FRMD4B: variants seen among roughly 807,000 people sequenced by gnomAD.
FRMD4B encodes FERM domain-containing protein 4B.
FRMD4B carries 74 observed loss-of-function variants against 141.5 expected under a neutral mutation model. The observed-to-expected ratio is 0.52, with a 90% CI of 0.43 to 0.63. The LOEUF (loss-of-function observed/expected upper bound fraction) is 0.63. Ranked by LOEUF, FRMD4B falls within the 30% of genes least tolerant of loss-of-function variation. The probability of loss-of-function intolerance (pLI) is 0.00; values close to 1 mark genes in which losing one functional copy is unlikely to be tolerated. For missense variants in FRMD4B, 1,366 were observed against 1,253.4 expected (o/e 1.09, Z -1.36); for synonymous variants, 506 against 467.9 (o/e 1.08, Z -1.05).
chr3:69,476,503 C>A (rs1380216627), intron 1 of FRMD4B, among the ~76,000 whole-genome samples: 2 of 152,118 alleles, frequency 1.3e-5, no homozygotes, highest in Non-Finnish European at 2.9e-5. Context: ...TGTCAAAGAT[C>A]AGATAGTTGT....
chr3:69,379,585 G>C (rs1057235611), intron 1 of FRMD4B, among the ~76,000 whole-genome samples: 1 of 152,180 alleles, frequency 6.6e-6, no homozygotes, highest in South Asian at 2.1e-4. Flanking sequence ...GCCACGCCTA[G>C]GTTTTTGATG....
chr3:69,506,094 C>A (rs983172067), intron 1 of FRMD4B, among the ~76,000 whole-genome samples: 1 of 152,134 alleles, frequency 6.6e-6, no homozygotes, highest in African/African-American at 2.4e-5. Context: ...CCTCCACTGA[C>A]CTTTCTGGTC....
At chr3:69,273,524 C>G (rs181587940) in intron 5 of FRMD4B, among the ~76,000 whole-genome samples, 1 of 152,248 alleles carries the variant, frequency 6.6e-6, no homozygotes, top group African/African-American at 2.4e-5. Context: ...AATTTAGAAA[C>G]AGTAGCTCCA....
At chr3:69,307,142 C>G (rs1435067685) in intron 3 of FRMD4B, among the ~76,000 whole-genome samples, 4 of 152,062 alleles carry the variant, frequency 2.6e-5, no homozygotes, top group African/African-American at 4.8e-5. Flanking sequence ...CCGTCACTTG[C>G]CGGGGAGTGC....
At chr3:69,450,366 G>C (rs890269971) in intron 1 of FRMD4B, among the ~76,000 whole-genome samples, 1 of 152,140 alleles carries the variant, frequency 6.6e-6, no homozygotes, top group Non-Finnish European at 1.5e-5. Flanking sequence ...GCATGGGCCT[G>C]TAGTTTCAGC....
chr3:69,479,351 T>C (rs896208155), intron 1 of FRMD4B, among the ~76,000 whole-genome samples: 45 of 152,062 alleles, frequency 3.0e-4, no homozygotes, highest in Admixed American at 4.6e-4. Flanking sequence ...GTACCGGTTG[T>C]TCCTTTCCAT....
intron 1 of FRMD4B, among the ~76,000 whole-genome samples, chr3:69,359,643 T>G (rs1809486): frequency 6.6e-6 from 1 of 152,156 alleles, no homozygotes; most frequent in Admixed American, 6.5e-5. Flanking sequence ...AATTTTCTTG[T>G]TTTCTTAACC....
intron 2 of FRMD4B, among the ~76,000 whole-genome samples, chr3:69,397,639 AT>A (rs1704494276): frequency 6.6e-6 from 1 of 152,234 alleles, no homozygotes; most frequent in African/African-American, 2.4e-5. Context: ...TATTGATCCC[AT>A]TTATATGAAA....
intron 7 of FRMD4B, among the ~76,000 whole-genome samples, chr3:69,227,630 C>T (rs1398571084): frequency 4.0e-5 from 6 of 150,704 alleles, no homozygotes; most frequent in Non-Finnish European, 7.4e-5. Flanking sequence ...CCATTGCACT[C>T]CAGCCTGGGG....
chr3:69,364,188 G>A (rs1047178948), intron 1 of FRMD4B, among the ~76,000 whole-genome samples: 3 of 152,152 alleles, frequency 2.0e-5, no homozygotes, highest in African/African-American at 7.2e-5. Flanking sequence ...GTTATGTCAC[G>A]CGACTATCTT....
At chr3:69,512,233 C>T (rs1706700887) in intron 1 of FRMD4B, among the ~76,000 whole-genome samples, 1 of 152,194 alleles carries the variant, frequency 6.6e-6, no homozygotes, top group Non-Finnish European at 1.5e-5. Context: ...AAAAACCCTA[C>T]ATACATAGAC....
intron 1 of FRMD4B, among the ~76,000 whole-genome samples, chr3:69,361,127 T>G (rs1016757091): frequency 2.6e-5 from 4 of 152,218 alleles, no homozygotes; most frequent in Admixed American, 6.5e-5. Flanking sequence ...TTAAATATAA[T>G]TTATGTGTTT....
intron 1 of FRMD4B, among the ~76,000 whole-genome samples, chr3:69,364,616 G>A (rs1160817022): frequency 6.6e-6 from 1 of 152,110 alleles, no homozygotes; most frequent in East Asian, 1.9e-4. Flanking sequence ...GCATTAATGG[G>A]ATCAGCAGTT....
chr3:69,187,988 A>G, intron 18 of FRMD4B, 71 bp from the exon 19 acceptor site: 1 of 805,846 alleles, frequency 1.2e-6, no homozygotes, highest in Non-Finnish European at 2.0e-6. Context: ...TCTTGCCAAT[A>G]CCTCAAAAAA....
In FRMD4B at chr3:69,480,920, G is replaced by A. The variant is rs60149727; in HGVS notation, c.-128-48159C>T. On this transcript the variant is annotated intron_variant, in intron 1 of 5. Transcript: ENST00000459638. ...TAAGCAAGCCTGGGCAATGGCGGGC[G>A]CCCCTCCCCCAGCCTCTCTGCCGCC... Among the ~76,000 whole-genome samples the A allele has an allele frequency of 9.2e-3, 1,408 of 152,264 alleles. 19 individuals are homozygous for A. Among genetic ancestry groups the A allele is most frequent in the African/African-American group, 0.025 (1,030 of 41,564 alleles).
intron 1 of FRMD4B, among the ~76,000 whole-genome samples, chr3:69,383,643 T>C (rs1223634628): frequency 6.6e-6 from 1 of 152,224 alleles, no homozygotes. Flanking sequence ...CACTGCAGCA[T>C]TGAACTCCTG....
chr3:69,483,237 G>A (rs574321054), intron 1 of FRMD4B, among the ~76,000 whole-genome samples: 1 of 152,348 alleles, frequency 6.6e-6, no homozygotes, highest in African/African-American at 2.4e-5. Flanking sequence ...ACCCATGTCA[G>A]TGTGAGAATA....
At chr3:69,186,161 G>A (rs2092764178) in intron 19 of FRMD4B, among the ~76,000 whole-genome samples, 1 of 151,272 alleles carries the variant, frequency 6.6e-6, no homozygotes, top group South Asian at 2.1e-4. Flanking sequence ...CAACGATAGT[G>A]AATATATTTT....
intron 1 of FRMD4B, among the ~76,000 whole-genome samples, chr3:69,352,796 AAT>A (rs1703191717): frequency 1.3e-5 from 2 of 152,206 alleles, no homozygotes; most frequent in Non-Finnish European, 2.9e-5. Context: ...GATCACATAG[AAT>A]CCTCACCACA....
Sources: allele counts gnomAD v4.1 joint callset (sites outside exome capture counted in the v4.1 genomes callset), GRCh38; gene constraint gnomAD v4.1.1; transcripts MANE v1.5; gene names NCBI Gene and HGNC (gene_info 2026-07-23, HGNC 2026-07-21).